FGGY: variants seen among roughly 807,000 people sequenced by gnomAD.
The protein encoded by FGGY is FGGY carbohydrate kinase domain-containing protein.
FGGY carries 72 observed loss-of-function variants against 71.3 expected under a neutral mutation model. The ratio of observed to expected loss-of-function variants is 1.01; its 90% CI spans 0.84 to 1.23. FGGY has a LOEUF of 1.23. FGGY is among the 50% of genes most tolerant of loss of function. The pLI, the probability that FGGY is intolerant of heterozygous loss-of-function variation, is 0.00. For synonymous variants in FGGY, 251 were observed against 250.3 expected, an observed-to-expected ratio of 1.00 and a Z score of -0.02; for missense variants, 668 against 682.3, an observed-to-expected ratio of 0.98 and a Z score of 0.23.
chr1:59,734,134 A>G (rs893468760), intron 14 of FGGY, among the ~76,000 whole-genome samples: 16 of 152,224 alleles, frequency 1.1e-4, no homozygotes, highest in Admixed American at 5.2e-4. Context: ...TTCCTCAAGT[A>G]TCAGTTTTCT....
intron 8 of FGGY, among the ~76,000 whole-genome samples, chr1:59,591,946 C>T (rs1319162347): frequency 6.6e-6 from 1 of 152,092 alleles, no homozygotes; most frequent in Non-Finnish European, 1.5e-5. Flanking sequence ...AATGGGATCT[C>T]ATTAAACTAA....
intron 5 of FGGY, among the ~76,000 whole-genome samples, chr1:59,389,345 A>ATTTCACTTAACATAATGTTTTCAAGG: frequency 6.6e-6 from 1 of 152,188 alleles, no homozygotes; most frequent in Admixed American, 6.5e-5. Flanking sequence ...CGTCTGGCAT[A>ATTTCACTTAACATAATGTTTTCAAGG]TTTCACTTAA....
chr1:59,578,715 GGAGAA>G (rs2096129542), intron 8 of FGGY, among the ~76,000 whole-genome samples: 1 of 152,140 alleles, frequency 6.6e-6, no homozygotes, highest in East Asian at 1.9e-4. Flanking sequence ...AATTTACCAA[GGAGAA>G]GAGAATAGAG....
At chr1:59,413,544 A>C (rs2063903365) in intron 5 of FGGY, among the ~76,000 whole-genome samples, 1 of 152,220 alleles carries the variant, frequency 6.6e-6, no homozygotes, top group South Asian at 2.1e-4. Flanking sequence ...TTCTCAGTGC[A>C]TGAATAACAG....
At chr1:59,732,135 G>T (rs760067913) in intron 14 of FGGY, among the ~76,000 whole-genome samples, 3 of 152,164 alleles carry the variant, frequency 2.0e-5, no homozygotes, top group Admixed American at 2.0e-4. Context: ...CACAGAGTGA[G>T]GGTTCAGTTT....
chr1:59,713,031 A>T (rs1328632217), intron 14 of FGGY, among the ~76,000 whole-genome samples: 2 of 152,184 alleles, frequency 1.3e-5, no homozygotes, highest in Non-Finnish European at 2.9e-5. Flanking sequence ...CGCCTCTTGA[A>T]TGCTTTGCTG....
chr1:59,712,305 C>T (rs2097801033), intron 14 of FGGY, among the ~76,000 whole-genome samples: 1 of 152,218 alleles, frequency 6.6e-6, no homozygotes, highest in African/African-American at 2.4e-5. Context: ...GGTACGACCT[C>T]TCTCCCAGCT....
intron 8 of FGGY, among the ~76,000 whole-genome samples, chr1:59,567,098 G>A (rs2095886118): frequency 6.6e-6 from 1 of 152,124 alleles, no homozygotes; most frequent in Non-Finnish European, 1.5e-5. Context: ...AGAAGAAATC[G>A]TGCCATACCT....
intron 6 of FGGY, among the ~76,000 whole-genome samples, chr1:59,506,360 T>G (rs1250814893): frequency 6.6e-6 from 1 of 152,100 alleles, no homozygotes; most frequent in African/African-American, 2.4e-5. Flanking sequence ...AATCACATGA[T>G]CATACTAAGA....
chr1:59,661,834 C>T (rs778458786), intron 12 of FGGY, among the ~76,000 whole-genome samples: 3 of 151,610 alleles, frequency 2.0e-5, no homozygotes, highest in Non-Finnish European at 4.4e-5. Context: ...ATTCTTCTGC[C>T]TCAGCCTCCC....
chr1:59,331,165 G>A (rs1340447625), intron 2 of FGGY, among the ~76,000 whole-genome samples: 1 of 152,134 alleles, frequency 6.6e-6, no homozygotes, highest in Non-Finnish European at 1.5e-5. Context: ...ACTGGACTTG[G>A]CAACAATGGA....
chr1:59,634,945 G>A (rs528040862), intron 10 of FGGY, among the ~76,000 whole-genome samples: 1 of 152,236 alleles, frequency 6.6e-6, no homozygotes, highest in East Asian at 1.9e-4. Flanking sequence ...ATACCCAGTG[G>A]GATGTGGACA....
At chr1:59,450,828 A>G (rs1439592048) in intron 5 of FGGY, among the ~76,000 whole-genome samples, 1 of 151,978 alleles carries the variant, frequency 6.6e-6, no homozygotes, top group African/African-American at 2.4e-5. Flanking sequence ...TCTTGATTCT[A>G]CTTTGATACT....
chr1:59,468,341 G>A (rs1213081716), intron 6 of FGGY, among the ~76,000 whole-genome samples: 4 of 152,088 alleles, frequency 2.6e-5, no homozygotes, highest in Admixed American at 6.5e-5. Flanking sequence ...TACATAAGAC[G>A]GGTCCCTGCA....
At chr1:59,486,786 T>C (rs1296026736) in intron 6 of FGGY, among the ~76,000 whole-genome samples, 2 of 152,186 alleles carry the variant, frequency 1.3e-5, no homozygotes, top group African/African-American at 4.8e-5. Flanking sequence ...ATGGAGGATA[T>C]GGTTCCAAAG....
At chr1:59,609,524 G>T (rs568686148) in intron 9 of FGGY, among the ~76,000 whole-genome samples, 2 of 152,340 alleles carry the variant, frequency 1.3e-5, no homozygotes, top group South Asian at 4.1e-4. Flanking sequence ...GAGGTCAAGA[G>T]ATTGGCAGGC....
At chr1:59,333,855 G>A (rs1249070917) in intron 2 of FGGY, among the ~76,000 whole-genome samples, 2 of 152,186 alleles carry the variant, frequency 1.3e-5, no homozygotes, top group Non-Finnish European at 2.9e-5. Context: ...GTGTGGTGAA[G>A]GCATCTGGGT....
intron 2 of FGGY, among the ~76,000 whole-genome samples, chr1:59,328,474 T>C (rs956433725): frequency 4.8e-4 from 73 of 152,358 alleles, no homozygotes; most frequent in African/African-American, 1.6e-3. Context: ...ACTTAAAGAA[T>C]GTTGTGGCTG....
chr1:59,340,251 G>A (rs1016658156), intron 3 of FGGY, among the ~76,000 whole-genome samples, 182 bp downstream of exon 3: 3 of 152,198 alleles, frequency 2.0e-5, no homozygotes, highest in Non-Finnish European at 4.4e-5. Flanking sequence ...TATGAGTGGG[G>A]TGGTGTTGAC....
Sources: gnomAD v4.1 joint callset for allele counts (sites outside exome capture counted in the v4.1 genomes callset) on GRCh38, gnomAD v4.1.1 for gene constraint, MANE v1.5 for transcripts, NCBI Gene and HGNC (gene_info 2026-07-23, HGNC 2026-07-21) for gene names.